Variants in SNRK observed in about 807,000 individuals in gnomAD.
SNRK encodes SNF related kinase.
In SNRK, 3 loss-of-function variants were observed where a neutral mutation model predicts 48.2. The observed-to-expected ratio is 0.06, with a 90% CI of 0.03 to 0.16. SNRK has a LOEUF of 0.16. SNRK is among the 10% of genes least tolerant of loss of function. The pLI, the probability that SNRK is intolerant of heterozygous loss-of-function variation, is 1.00. For missense variants in SNRK, 627 were observed against 976.0 expected, an observed-to-expected ratio of 0.64 and a Z score of 4.76; for synonymous variants, 376 against 366.1, an observed-to-expected ratio of 1.03 and a Z score of -0.31.
chr3:43,303,692 C>T lies in SNRK; in HGVS notation c.489C>T (p.Asn163=). ...AGTTGACAGACTTTGGGTTCAGCAA[C>T]AAATTTCAACCAGGGAAGAAGCTCA... ...LVKLTDFGFS[N]KFQPGKKLTT... The change falls in exon 3 of 7, where the codon AAC becomes AAT. Residue 163 remains asparagine, a synonymous_variant. Coordinates refer to ENST00000296088, the MANE Select transcript of SNRK (RefSeq NM_017719.5). This position sits in a 1 kb window ranked among gnomAD's most constrained non-coding sequence, Gnocchi z 6.2. The T allele has an allele frequency of 6.2e-7, 1 of 1,614,054 alleles. No homozygotes were observed. Among genetic ancestry groups the T allele is most frequent in the Non-Finnish European group, 8.5e-7 (1 of 1,179,990 alleles).
At chr3:43,308,773 C>T (rs551302694) in intron 3 of SNRK, among the ~76,000 whole-genome samples, 1 of 152,320 alleles carries the variant, frequency 6.6e-6, no homozygotes, top group South Asian at 2.1e-4. Context: ...GCCCGTGGAT[C>T]AAGGAGTAAT....
chr3:43,339,821 ATATATAT>A (rs2091220037), intron 4 of SNRK, among the ~76,000 whole-genome samples: 1 of 2,622 alleles, frequency 3.8e-4, no homozygotes, highest in African/African-American at 2.6e-3. Context: ...TTTCCAAAAT[ATATATAT>A]ATATATATAT....
intron 4 of SNRK, 138 bp from the exon 5 acceptor site, chr3:43,340,149 C>T (rs1575559449): frequency 7.2e-6 from 5 of 691,676 alleles, no homozygotes; most frequent in Non-Finnish European, 5.0e-6. Context: ...TTTTATTATT[C>T]CCATCTGCCC....
intron 5 of SNRK, among the ~76,000 whole-genome samples, chr3:43,342,344 A>G (rs1280862028): frequency 2.0e-5 from 3 of 152,138 alleles, no homozygotes; most frequent in South Asian, 2.1e-4. Flanking sequence ...CTGAGTTCCA[A>G]CACACACCTT....
intron 3 of SNRK, among the ~76,000 whole-genome samples, chr3:43,311,755 C>G (rs776711649): frequency 2.0e-5 from 3 of 152,030 alleles, no homozygotes. Context: ...CTGCTGAAAC[C>G]GATGGATGTC....
chr3:43,319,786 TC>T (rs1462617859), intron 3 of SNRK, among the ~76,000 whole-genome samples: 2 of 152,218 alleles, frequency 1.3e-5, no homozygotes, highest in Admixed American at 1.3e-4. Flanking sequence ...CTGTGGCTCT[TC>T]CCAATCTCTT....
At position 43,347,648 on chromosome 3, in the gene SNRK, A is replaced by G; in HGVS notation, c.1389A>G (p.Thr463=). 6.2e-7 allele frequency: 1 copy of G among 1,613,858 alleles called. No homozygotes were observed. Among genetic ancestry groups the G allele is most frequent in the Non-Finnish European group, 8.5e-7 (1 of 1,180,024 alleles). ...EEDKKPMSLS[T]QVVLRRKPSV... ...ACAAGAAACCCATGTCCCTCTCAACACAAGTGGTTTTGCGCCGGAAGCCAT... is the reference window on the plus strand; with the variant it reads ...ACAAGAAACCCATGTCCCTCTCAACGCAAGTGGTTTTGCGCCGGAAGCCAT... Residue 463 remains threonine (T), a synonymous_variant, in exon 7 of 7, where the codon ACA becomes ACG. Transcript: ENST00000296088. The surrounding 1 kb of genome is among the most constrained non-coding windows in gnomAD (Gnocchi z 5.4).
chr3:43,323,811 A>G (rs2125633984), intron 3 of SNRK, among the ~76,000 whole-genome samples: 1 of 152,330 alleles, frequency 6.6e-6, no homozygotes, highest in African/African-American at 2.4e-5. Flanking sequence ...GAGAAAAACC[A>G]GACTGCAAAA....
chr3:43,341,461 A>G (rs2091237547), intron 5 of SNRK, among the ~76,000 whole-genome samples: 1 of 152,240 alleles, frequency 6.6e-6, no homozygotes, highest in African/African-American at 2.4e-5. Context: ...CCAAAGCCAG[A>G]TTTTAATAAA....
At chr3:43,308,162 G>A (rs2090952824) in intron 3 of SNRK, among the ~76,000 whole-genome samples, 1 of 152,170 alleles carries the variant, frequency 6.6e-6, no homozygotes, top group Non-Finnish European at 1.5e-5. Flanking sequence ...TTTGAAACTA[G>A]CAGAGTTTGA....
chr3:43,306,680 C>A (rs2090940392), intron 3 of SNRK, among the ~76,000 whole-genome samples: 1 of 152,040 alleles, frequency 6.6e-6, no homozygotes, highest in Admixed American at 6.6e-5. Flanking sequence ...CTGATGTGTA[C>A]ATCTTTAACT....
At chr3:43,341,357 T>C (rs192448010) in intron 5 of SNRK, among the ~76,000 whole-genome samples, 2 of 152,136 alleles carry the variant, frequency 1.3e-5, no homozygotes, top group South Asian at 2.1e-4. Flanking sequence ...TTCACTGTGT[T>C]AGCCAGGATG....
intron 1 of SNRK, among the ~76,000 whole-genome samples, chr3:43,286,952 C>T (rs1344716153): frequency 6.9e-6 from 1 of 145,526 alleles, no homozygotes; most frequent in Non-Finnish European, 1.5e-5. Flanking sequence ...GCGGCGGCCG[C>T]GGTCGCCTGG....
Position 43,347,295 on chromosome 3 carries a change from A to G in SNRK, c.1080-44A>G, listed in dbSNP as rs2091283673. On this transcript the variant is annotated intron_variant, in intron 6 of 6. Coordinates refer to ENST00000296088, the MANE Select transcript of SNRK (RefSeq NM_017719.5). This position sits in a 1 kb window ranked among gnomAD's most constrained non-coding sequence, Gnocchi z 5.4. ...TGATGTACTTTACTATCATCTGCAT[A>G]ATGATTATATGGCTTTTTTCCCCCC... 6.6e-7 allele frequency: 1 copy of G among 1,510,080 alleles called. No individual in the cohort carries two copies. The allele number at this position is 1,510,080 out of a possible 1,614,324, so 93.5% of individuals were successfully genotyped here.
chr3:43,341,954 C>CA (rs1177442390), intron 5 of SNRK, among the ~76,000 whole-genome samples: 1 of 152,208 alleles, frequency 6.6e-6, no homozygotes, highest in Non-Finnish European at 1.5e-5. Flanking sequence ...AGTATTGACT[C>CA]ACAGCTACTT....
At chr3:43,296,415 C>CATATATATATATATATACAT (rs1553632570) in intron 1 of SNRK, among the ~76,000 whole-genome samples, 11 of 127,216 alleles carry the variant, frequency 8.6e-5, no homozygotes, top group African/African-American at 2.7e-4. Flanking sequence ...GATATACTGG[C>CATATATATATATATATACAT]ATATATATAT....
At chr3:43,341,406 C>T (rs2091236819) in intron 5 of SNRK, among the ~76,000 whole-genome samples, 1 of 152,182 alleles carries the variant, frequency 6.6e-6, no homozygotes, top group Non-Finnish European at 1.5e-5. Flanking sequence ...CCGCCTTGGC[C>T]TCCCAAAGTG....
intron 3 of SNRK, chr3:43,315,355 C>CA (rs1394467125): frequency 6.6e-6 from 1 of 152,162 alleles, no homozygotes; most frequent in Non-Finnish European, 1.5e-5. Flanking sequence ...CAGTCCTTCC[C>CA]AAGTGGCACC....
intron 4 of SNRK, chr3:43,333,358 C>CAAAAAAAAAA (rs33994267): frequency 1.6e-5 from 1 of 62,310 alleles, no homozygotes; most frequent in African/African-American, 6.8e-5. Context: ...GACTCTGTCT[C>CAAAAAAAAAA]AAAAAAAAAA....
Sources: allele counts gnomAD v4.1 joint callset (sites outside exome capture counted in the v4.1 genomes callset), GRCh38; gene constraint gnomAD v4.1.1; non-coding constraint Gnocchi (gnomAD v3.1); transcripts MANE v1.5; gene names NCBI Gene and HGNC (gene_info 2026-07-23, HGNC 2026-07-21).